The following PIK3C2A variants were observed in gnomAD, a reference collection of about 807,000 sequenced individuals.
PIK3C2A encodes the protein phosphatidylinositol-4-phosphate 3-kinase catalytic subunit type 2 alpha.
In PIK3C2A, 97 loss-of-function variants were observed where a neutral mutation model predicts 204.5. That is an observed-to-expected ratio of 0.47 (90% CI 0.40 to 0.56). The LOEUF (loss-of-function observed/expected upper bound fraction) is 0.56, where lower values mean the gene tolerates loss of function less well. PIK3C2A is among the 20% of genes least tolerant of loss of function. PIK3C2A has a pLI of 0.00. For synonymous variants in PIK3C2A, 653 were observed against 664.4 expected (o/e 0.98, Z 0.26); for missense variants, 1,735 against 1,969.2 (o/e 0.88, Z 2.25).
rs915571613 is a variant in PIK3C2A, at chr11:17,188,561, T to C, written c.-65-18755A>G. 3.4e-5 allele frequency among the ~76,000 whole-genome samples: 5 copies of C among 146,704 alleles called. 2 individuals carry two copies. The highest frequency in any genetic ancestry group is 1.4e-4 in the African/African-American group (5 of 36,388). On this transcript the variant is annotated intron_variant, in intron 1 of 32. Coordinates refer to ENST00000691414, the MANE Select transcript of PIK3C2A (RefSeq NM_002645.4). ...GCCAAATGTAGGCTAGCATGACAGA[T>C]TAAAATTCTAAGGCGTGGTGGAGGT...
chr11:17,129,815 C>A (rs1849639873), intron 12 of PIK3C2A, among the ~76,000 whole-genome samples: 2 of 152,140 alleles, frequency 1.3e-5, no homozygotes, highest in South Asian at 4.1e-4. Context: ...TGGTCTCAAA[C>A]CCCTGACCTC....
intron 8 of PIK3C2A, among the ~76,000 whole-genome samples, chr11:17,140,224 G>C (rs1205232543): frequency 6.6e-6 from 1 of 151,968 alleles, no homozygotes; most frequent in Non-Finnish European, 1.5e-5. Context: ...AAGCCAGCCT[G>C]GGTAAGACAG....
At chr11:17,189,702 A>G (rs893247363) in intron 1 of PIK3C2A, among the ~76,000 whole-genome samples, 6 of 151,424 alleles carry the variant, frequency 4.0e-5, no homozygotes, top group Admixed American at 3.3e-4. Flanking sequence ...CCCCTCCCTA[A>G]TATTAGTGAT....
intron 3 of PIK3C2A, among the ~76,000 whole-genome samples, chr11:17,150,893 CATT>C (rs1850404878): frequency 6.6e-6 from 1 of 152,102 alleles, no homozygotes; most frequent in Admixed American, 6.6e-5. Flanking sequence ...TCTTTGGTAA[CATT>C]ATCAACACTA....
chr11:17,138,736 G>T (rs905891047), intron 8 of PIK3C2A, among the ~76,000 whole-genome samples: 4 of 152,104 alleles, frequency 2.6e-5, no homozygotes, highest in African/African-American at 9.7e-5. Flanking sequence ...CGTGAACACA[G>T]ACACAAACAA....
chr11:17,097,731 T>C (rs1163542675), intron 26 of PIK3C2A, among the ~76,000 whole-genome samples: 1 of 152,166 alleles, frequency 6.6e-6, no homozygotes, highest in Non-Finnish European at 1.5e-5. Flanking sequence ...CTGGCCAACA[T>C]GGCAAAACCC....
At chr11:17,131,845 A>C in intron 12 of PIK3C2A, 71 bp downstream of exon 12, 1 of 1,185,808 alleles carries the variant, frequency 8.4e-7, no homozygotes, top group Non-Finnish European at 1.2e-6. Flanking sequence ...AATTAAAGCT[A>C]GGATGCATAC....
At chr11:17,191,591 T>A (rs542144153) in intron 1 of PIK3C2A, among the ~76,000 whole-genome samples, 8 of 152,326 alleles carry the variant, frequency 5.3e-5, no homozygotes, top group Admixed American at 3.9e-4. Context: ...GCCTTGATTT[T>A]AATCTGTATC....
At chr11:17,195,623 G>A (rs921539979) in intron 1 of PIK3C2A, among the ~76,000 whole-genome samples, 15 of 151,148 alleles carry the variant, frequency 9.9e-5, no homozygotes, top group African/African-American at 2.7e-4. Flanking sequence ...TGCTGTCGTC[G>A]TCCCAGCTAC....
intron 1 of PIK3C2A, among the ~76,000 whole-genome samples, chr11:17,187,026 G>A (rs539330016): frequency 2.5e-4 from 38 of 152,216 alleles, no homozygotes; most frequent in Middle Eastern, 6.8e-3. Flanking sequence ...CTAGTGCCTG[G>A]GTGATAGAGC....
intron 1 of PIK3C2A, among the ~76,000 whole-genome samples, chr11:17,181,751 T>C (rs1279954965): frequency 1.3e-5 from 2 of 151,588 alleles, no homozygotes; most frequent in African/African-American, 4.9e-5. Context: ...AACTATTTTA[T>C]TTAAGAATGC....
intron 3 of PIK3C2A, among the ~76,000 whole-genome samples, chr11:17,154,703 G>A (rs1850526767): frequency 6.6e-6 from 1 of 152,148 alleles, no homozygotes; most frequent in South Asian, 2.1e-4. Context: ...TGGAGGAAAG[G>A]CAGAGGAAGA....
intron 1 of PIK3C2A, chr11:17,193,365 C>A: frequency 5.7e-6 from 1 of 174,080 alleles, no homozygotes; most frequent in Non-Finnish European, 1.2e-5. Flanking sequence ...TTTGTTATCC[C>A]ACTAAGTTTT....
intron 26 of PIK3C2A, among the ~76,000 whole-genome samples, chr11:17,097,806 C>T (rs1848495658): frequency 2.0e-5 from 3 of 152,012 alleles, no homozygotes; most frequent in Non-Finnish European, 2.9e-5. Context: ...CCCAGCTACT[C>T]GGGAGGCAGA....
intron 1 of PIK3C2A, among the ~76,000 whole-genome samples, chr11:17,173,292 C>G (rs1398639889): frequency 6.6e-6 from 1 of 152,184 alleles, no homozygotes; most frequent in East Asian, 1.9e-4. Flanking sequence ...CCTTGTCCCC[C>G]ATTCCCATCC....
chr11:17,161,835 A>G (rs577100544), intron 2 of PIK3C2A, among the ~76,000 whole-genome samples: 2 of 152,338 alleles, frequency 1.3e-5, no homozygotes, highest in East Asian at 3.9e-4. Flanking sequence ...AATATCAGGG[A>G]AAAGTTTGTA....
At chr11:17,154,367 G>A (rs1343119182) in intron 3 of PIK3C2A, among the ~76,000 whole-genome samples, 2 of 152,102 alleles carry the variant, frequency 1.3e-5, no homozygotes, top group Non-Finnish European at 2.9e-5. Flanking sequence ...TAACATAAAG[G>A]AAGACAGAGT....
chr11:17,167,376 A>G (rs1037712254), intron 2 of PIK3C2A, among the ~76,000 whole-genome samples: 12 of 152,102 alleles, frequency 7.9e-5, no homozygotes, highest in African/African-American at 2.9e-4. Flanking sequence ...TAATCCCAGC[A>G]TACTGGGAGG....
intron 24 of PIK3C2A, among the ~76,000 whole-genome samples, chr11:17,101,762 C>T (rs909959588): frequency 1.3e-5 from 2 of 151,084 alleles, no homozygotes; most frequent in African/African-American, 4.8e-5. Context: ...CGCCACCACG[C>T]CCGGCTAATT....
Sources: allele counts gnomAD v4.1 joint callset (sites outside exome capture counted in the v4.1 genomes callset), GRCh38; gene constraint gnomAD v4.1.1; transcripts MANE v1.5; gene names NCBI Gene and HGNC (gene_info 2026-07-23, HGNC 2026-07-21).